PLEKHH2: variants seen among roughly 807,000 people sequenced by gnomAD.
PLEKHH2 encodes the protein pleckstrin homology domain-containing family H member 2.
Under a neutral mutation model 187.9 loss-of-function variants are expected in PLEKHH2, and 129 were observed. The observed-to-expected ratio is 0.69, with a 90% confidence interval of 0.59 to 0.79. The LOEUF (loss-of-function observed/expected upper bound fraction) is 0.79. Ranked by LOEUF, PLEKHH2 falls within the 30% of genes least tolerant of loss-of-function variation. The pLI, the probability that PLEKHH2 is intolerant of heterozygous loss-of-function variation, is 0.00. For synonymous variants in PLEKHH2, 686 were observed against 605.6 expected (o/e 1.13, Z -1.95); for missense variants, 2,076 against 1,751.2 (o/e 1.19, Z -3.31).
rs1364784099 is a variant in PLEKHH2 at position 43,741,265 on chromosome 2, C to T, written c.3221+222C>T. The stretch of plus-strand genomic sequence containing the variant: ...TTGCAATAAATACTTGAAAAACTGA[C>T]AGAGAATATTTTTAAGTGAAAAGTG... On this transcript the variant is annotated intron_variant, in intron 21 of 29. Transcript: ENST00000282406. The T allele has an allele frequency of 1.8e-5, 6 of 341,392 alleles. No homozygotes were observed. The Admixed American group carries it at 2.3e-4, about 13-fold the overall frequency. The allele number at this position is 341,392 out of a possible 1,614,324, so 21.1% of individuals were successfully genotyped here.
chr2:43,681,657 A>T, intron 3 of PLEKHH2: 1 of 615,640 alleles, frequency 1.6e-6, no homozygotes, highest in Non-Finnish European at 2.9e-6. Flanking sequence ...TAGTGACCAG[A>T]TCTGAATCAC....
intron 19 of PLEKHH2, among the ~76,000 whole-genome samples, chr2:43,732,535 C>G (rs768708050): frequency 6.6e-6 from 1 of 152,176 alleles, no homozygotes. Flanking sequence ...TTTTCCATGT[C>G]CACACCTGAC....
chr2:43,743,089 G>A (rs933906568), intron 22 of PLEKHH2, among the ~76,000 whole-genome samples, 171 bp downstream of exon 22: 2 of 152,178 alleles, frequency 1.3e-5, no homozygotes, highest in African/African-American at 4.8e-5. Flanking sequence ...TGCTATAAAG[G>A]ATTCACACTA....
intron 20 of PLEKHH2, among the ~76,000 whole-genome samples, chr2:43,739,084 T>A (rs981357721): frequency 2.6e-5 from 4 of 152,098 alleles, no homozygotes; most frequent in African/African-American, 9.7e-5. Context: ...AGAGATGGGG[T>A]TTCACCATGT....
intron 14 of PLEKHH2, chr2:43,711,012 TG>T: frequency 1.0e-6 from 1 of 996,850 alleles, no homozygotes; most frequent in Non-Finnish European, 1.2e-6. Context: ...AACACCAAAG[TG>T]GGAAATATAT....
intron 19 of PLEKHH2, among the ~76,000 whole-genome samples, chr2:43,735,895 A>G (rs1215795274): frequency 2.6e-5 from 4 of 152,226 alleles, no homozygotes; most frequent in African/African-American, 9.6e-5. Flanking sequence ...ATAGCAATAC[A>G]TAGATACTTC....
chr2:43,759,849 C>T (rs1672356883), intron 27 of PLEKHH2, among the ~76,000 whole-genome samples: 1 of 152,138 alleles, frequency 6.6e-6, no homozygotes, highest in Non-Finnish European at 1.5e-5. Context: ...GTCAGGTTAC[C>T]TCTCTGGACC....
intron 6 of PLEKHH2, among the ~76,000 whole-genome samples, chr2:43,695,482 C>T (rs1669042600): frequency 6.6e-6 from 1 of 152,186 alleles, no homozygotes; most frequent in Non-Finnish European, 1.5e-5. Context: ...TGACCAAATA[C>T]TAATTTTGCC....
chr2:43,659,758 C>A (rs1036182226), intron 2 of PLEKHH2, among the ~76,000 whole-genome samples: 1 of 151,796 alleles, frequency 6.6e-6, no homozygotes, highest in Non-Finnish European at 1.5e-5. Context: ...AGTGTTTGAC[C>A]CTGTTGGCCA....
chr2:43,682,857 A>G (rs1668274863), intron 3 of PLEKHH2, among the ~76,000 whole-genome samples: 1 of 152,116 alleles, frequency 6.6e-6, no homozygotes. Flanking sequence ...TCTTTCATTT[A>G]GCAGAATGTT....
intron 2 of PLEKHH2, among the ~76,000 whole-genome samples, chr2:43,668,706 T>A (rs1469646220): frequency 6.6e-6 from 1 of 152,196 alleles, no homozygotes; most frequent in African/African-American, 2.4e-5. Flanking sequence ...AGCACAATGG[T>A]ACCTGTCTGT....
At chr2:43,678,480 C>T (rs527349978) in intron 2 of PLEKHH2, among the ~76,000 whole-genome samples, 6 of 152,248 alleles carry the variant, frequency 3.9e-5, no homozygotes, top group Admixed American at 2.0e-4. Context: ...GGCCGAGGCT[C>T]GCAGATCACT....
chr2:43,641,782 C>A (rs1467312367), intron 1 of PLEKHH2, among the ~76,000 whole-genome samples: 1 of 152,174 alleles, frequency 6.6e-6, no homozygotes, highest in East Asian at 1.9e-4. Context: ...TCTTATCACT[C>A]TTGCCAAAAA....
intron 4 of PLEKHH2, among the ~76,000 whole-genome samples, 159 bp from the exon 5 acceptor site, chr2:43,694,272 G>A (rs952049522): frequency 2.6e-5 from 4 of 152,240 alleles, no homozygotes; most frequent in East Asian, 3.9e-4. Context: ...TGTATCTACC[G>A]AATAATTTTT....
chr2:43,638,279 A>T (rs966731410), intron 1 of PLEKHH2, among the ~76,000 whole-genome samples: 9 of 144,374 alleles, frequency 6.2e-5, no homozygotes, highest in South Asian at 4.4e-4. Flanking sequence ...ACACACACAC[A>T]CACACACACT....
Position 43,707,523 on chromosome 2 carries a change from C to T in PLEKHH2, c.1944C>T (p.Gly648=). The change falls in exon 11 of 30, where the codon GGC becomes GGT. Residue 648 remains glycine, a synonymous_variant. Transcript: ENST00000282406. The part of the protein sequence containing the change: ...ESDSRSRSGP[G]SPRAMKRGVS... ...ACTCACGCAGTAGGAGTGGGCCAGGCAGCCCCAGAGCCATGAAACGAGGTG... is the reference window on the plus strand; with the variant it reads ...ACTCACGCAGTAGGAGTGGGCCAGGTAGCCCCAGAGCCATGAAACGAGGTG... The T allele has an allele frequency of 6.2e-7, 1 of 1,614,010 alleles. No homozygotes were observed. The highest frequency in any genetic ancestry group is 8.5e-7 in the Non-Finnish European group (1 of 1,179,930).
intron 27 of PLEKHH2, among the ~76,000 whole-genome samples, chr2:43,760,248 CT>C (rs1672368447): frequency 1.3e-5 from 2 of 151,118 alleles, no homozygotes; most frequent in South Asian, 4.2e-4. Context: ...TGACAAGCAT[CT>C]TTTTTGCTCA....
Position 43,726,495 on chromosome 2 carries a change from T to A in PLEKHH2, c.2721+44T>A, listed in dbSNP as rs570753222. 22 of 1,474,132 alleles carry A rather than the reference T, an allele frequency of 1.5e-5. No individual in the cohort carries two copies. The African/African-American group carries it at 2.5e-4, about 17-fold the overall frequency. The allele number at this position is 1,474,132 out of a possible 1,614,324, so 91.3% of individuals were successfully genotyped here. On this transcript the variant is annotated intron_variant, in intron 17 of 29. Transcript: ENST00000282406. ...GTTGATTTAGAATGATGTAGACTAA[T>A]ATTATTCAGATATTGGTAATAATTA...
Position 43,720,531 on chromosome 2 carries a change from A to G in PLEKHH2, c.2461-138A>G, listed in dbSNP as rs114172428. 1.2e-3 allele frequency: 1,613 copies of G among 1,358,654 alleles called. 15 individuals are homozygous for G. In the African/African-American group the frequency reaches 0.021, roughly 18 times the overall value. 84.2% of individuals were successfully genotyped at this position (1,358,654 alleles called of 1,614,324 possible). A position where few individuals can be genotyped will look rare whatever the true frequency, so the allele number is the denominator to read the frequency against. ...GTGTGACAGGTACATCTTAAACAGC[A>G]CTGGACAATCTATTTGGAATATCAC... On this transcript the variant is annotated intron_variant, in intron 15 of 29. Transcript: ENST00000282406.
Sources: gnomAD v4.1 joint callset for allele counts (sites outside exome capture counted in the v4.1 genomes callset) on GRCh38, gnomAD v4.1.1 for gene constraint, MANE v1.5 for transcripts, NCBI Gene and HGNC (gene_info 2026-07-23, HGNC 2026-07-21) for gene names.